The following TSNARE1 variants were observed in gnomAD, a reference collection of about 807,000 sequenced individuals.
TSNARE1 encodes the protein t-SNARE domain-containing protein 1.
In TSNARE1, 49 loss-of-function variants were observed where a neutral mutation model predicts 62.0. The observed-to-expected ratio is 0.79, with a 90% CI of 0.63 to 1.00. The LOEUF is 1.00. TSNARE1 is among the 50% of genes least tolerant of loss of function. The pLI is 0.00. For missense variants in TSNARE1, 755 were observed against 700.1 expected (o/e 1.08, Z -0.88); for synonymous variants, 328 against 294.4 (o/e 1.11, Z -1.17).
At chr8:142,337,773 A>G (rs772893149) in intron 4 of TSNARE1, among the ~76,000 whole-genome samples, 2 of 152,178 alleles carry the variant, frequency 1.3e-5, no homozygotes, top group Non-Finnish European at 2.9e-5. Flanking sequence ...CCAACTCATC[A>G]CTACATGCAG....
chr8:142,356,234 C>T (rs750315432), intron 1 of TSNARE1, among the ~76,000 whole-genome samples: 74 of 152,288 alleles, frequency 4.9e-4, no homozygotes, highest in Non-Finnish European at 7.1e-4. Context: ...CCAGGGCGCA[C>T]GAAAACACCC....
rs973526818 is a variant in TSNARE1, at chr8:142,319,085, G to A, written c.894-451C>T. 3.3e-5 allele frequency among the ~76,000 whole-genome samples: 5 copies of A among 151,390 alleles called. No individual in the cohort carries two copies. Among genetic ancestry groups the A allele is most frequent in the African/African-American group, 1.2e-4 (5 of 41,356 alleles). On this transcript the variant is annotated intron_variant, in intron 6 of 13. Coordinates refer to ENST00000524325, the MANE Select transcript of TSNARE1 (RefSeq NM_145003.5). The surrounding 1 kb of genome is among the most constrained non-coding windows in gnomAD (Gnocchi z 4.9). Reference sequence around the variant, plus strand: ...AGACGGCGCAGGTAAGCTCTGGCTGGGGTGGGTGGCCCAGCCAGAACAGTG... The same window carrying A: ...AGACGGCGCAGGTAAGCTCTGGCTGAGGTGGGTGGCCCAGCCAGAACAGTG...
chr8:142,293,230 G>C (rs1824107139), intron 10 of TSNARE1, among the ~76,000 whole-genome samples: 1 of 152,254 alleles, frequency 6.6e-6, no homozygotes, highest in Non-Finnish European at 1.5e-5. Flanking sequence ...ACAGTGAGCT[G>C]CTGAGCCAAC....
chr8:142,306,276 G>T (rs1265353955), intron 9 of TSNARE1, among the ~76,000 whole-genome samples: 1 of 152,224 alleles, frequency 6.6e-6, no homozygotes, highest in African/African-American at 2.4e-5. Context: ...CCTCAAACAT[G>T]GAGGCGTGTC....
At chr8:142,349,675 C>T (rs965261297) in intron 2 of TSNARE1, among the ~76,000 whole-genome samples, 1 of 152,222 alleles carries the variant, frequency 6.6e-6, no homozygotes, top group African/African-American at 2.4e-5. Flanking sequence ...AGAAAGGGGA[C>T]GTGGTTGAGA....
intron 13 of TSNARE1, among the ~76,000 whole-genome samples, chr8:142,213,427 A>G (rs1815671774): frequency 6.6e-6 from 1 of 150,590 alleles, no homozygotes; most frequent in Non-Finnish European, 1.5e-5. Flanking sequence ...GTACTTTTCC[A>G]TGATGACTTT....
At chr8:142,315,199 G>C in intron 7 of TSNARE1, 107 bp from the exon 8 acceptor site, 1 of 1,130,762 alleles carries the variant, frequency 8.8e-7, no homozygotes, top group South Asian at 1.4e-5. Context: ...CCCACACTCA[G>C]AATGGGGCTC....
At position 142,320,145 on chromosome 8, in the gene TSNARE1, TCAC is replaced by T. The variant is rs1156233400; in HGVS notation, c.894-1514_894-1512del. Among the ~76,000 whole-genome samples the T allele has an allele frequency of 2.0e-5, 3 of 152,074 alleles. No homozygotes were observed. The South Asian group carries it at 6.2e-4, about 31-fold the overall frequency. On this transcript the variant is annotated intron_variant, in intron 6 of 13. Coordinates refer to ENST00000524325, the MANE Select transcript of TSNARE1 (RefSeq NM_145003.5). ...ACTCGGCCTCCCGTCCCCGGCCCAC[TCAC>T]CACTGCATCCCCTCACATTCTGTGC...
At chr8:142,327,662 T>G (rs1288988648) in intron 6 of TSNARE1, among the ~76,000 whole-genome samples, 1 of 152,198 alleles carries the variant, frequency 6.6e-6, no homozygotes, top group Non-Finnish European at 1.5e-5. Context: ...ACCGCACACA[T>G]GGATCATGGT....
At chr8:142,287,337 G>T (rs1822933923) in intron 10 of TSNARE1, among the ~76,000 whole-genome samples, 1 of 131,614 alleles carries the variant, frequency 7.6e-6, no homozygotes, top group Non-Finnish European at 1.6e-5. Flanking sequence ...CCGCCCTCCA[G>T]GTCGTGGAAC....
intron 6 of TSNARE1, among the ~76,000 whole-genome samples, chr8:142,325,219 A>G (rs1406570491): frequency 6.6e-6 from 1 of 152,028 alleles, no homozygotes; most frequent in Admixed American, 6.6e-5. Context: ...GTGGGACTGG[A>G]GGGGGTGGTG....
chr8:142,320,377 C>T (rs1370119101), intron 6 of TSNARE1, among the ~76,000 whole-genome samples: 4 of 151,300 alleles, frequency 2.6e-5, no homozygotes, highest in African/African-American at 7.3e-5. Context: ...CTCCCCACAC[C>T]GCCCTCCTGC....
intron 1 of TSNARE1, among the ~76,000 whole-genome samples, chr8:142,386,224 G>A (rs1036136119): frequency 6.6e-6 from 1 of 152,174 alleles, no homozygotes; most frequent in Non-Finnish European, 1.5e-5. Flanking sequence ...ATGATCACAG[G>A]TGTTAGGGAT....
At chr8:142,288,218 G>T (rs964980196) in intron 10 of TSNARE1, among the ~76,000 whole-genome samples, 3 of 152,250 alleles carry the variant, frequency 2.0e-5, no homozygotes, top group African/African-American at 7.2e-5. Context: ...AGCGGCTGGG[G>T]CGGGGTGGAA....
At position 142,308,227 on chromosome 8, in the gene TSNARE1, G is replaced by A. The variant is rs544199082; in HGVS notation, c.1131+6157C>T. ...GGGTATAATTTTAACAAAGTGTGTC[G>A]ACCTTCTCCTTTGCGGTTGGCACTT... On this transcript the variant is annotated intron_variant, in intron 9 of 13. Transcript: ENST00000524325. Among the ~76,000 whole-genome samples the A allele has an allele frequency of 2.2e-4, 33 of 152,236 alleles. No individual in the cohort carries two copies. In the East Asian group the frequency reaches 4.2e-3, roughly 20 times the overall value.
intron 2 of TSNARE1, among the ~76,000 whole-genome samples, chr8:142,346,963 G>C (rs1205126163): frequency 6.6e-6 from 1 of 152,204 alleles, no homozygotes; most frequent in East Asian, 1.9e-4. Flanking sequence ...GGGCCCAAAG[G>C]CTACCTGGTC....
At chr8:142,269,499 C>G (rs1273935174) in intron 12 of TSNARE1, 1 of 985,312 alleles carries the variant, frequency 1.0e-6, no homozygotes, top group Non-Finnish European at 1.2e-6. Flanking sequence ...ATTTATTAAG[C>G]TTTATTTTCT....
chr8:142,366,889 T>C (rs931168163), intron 1 of TSNARE1, among the ~76,000 whole-genome samples: 1 of 152,142 alleles, frequency 6.6e-6, no homozygotes, highest in East Asian at 1.9e-4. Context: ...AGCAAAACAA[T>C]GTTAAAATCT....
intron 13 of TSNARE1, among the ~76,000 whole-genome samples, chr8:142,215,817 G>C (rs188596149): frequency 1.3e-5 from 2 of 152,214 alleles, no homozygotes; most frequent in Non-Finnish European, 2.9e-5. Context: ...GCCTGGACAC[G>C]CCCTTCAGCA....
Sources: gnomAD v4.1 joint callset for allele counts (sites outside exome capture counted in the v4.1 genomes callset) on GRCh38, gnomAD v4.1.1 for gene constraint, Gnocchi (gnomAD v3.1) non-coding constraint, MANE v1.5 for transcripts, NCBI Gene and HGNC (gene_info 2026-07-23, HGNC 2026-07-21) for gene names.